Variants in KCNJ6 observed in about 807,000 individuals in gnomAD.
KCNJ6 encodes G protein-activated inward rectifier potassium channel 2.
Under a neutral mutation model 34.2 loss-of-function variants are expected in KCNJ6, and 9 were observed. The observed-to-expected ratio is 0.26, with a 90% CI of 0.16 to 0.46. The LOEUF (loss-of-function observed/expected upper bound fraction) is 0.46, where lower values mean the gene tolerates loss of function less well. Among genes scored for constraint, KCNJ6 ranks in the 20% least tolerant of loss-of-function variants. KCNJ6 has a pLI of 1.00. For missense variants in KCNJ6, 236 were observed against 531.3 expected, an observed-to-expected ratio of 0.44 and a Z score of 5.46; for synonymous variants, 196 against 207.1, an observed-to-expected ratio of 0.95 and a Z score of 0.46.
intron 3 of KCNJ6, among the ~76,000 whole-genome samples, chr21:37,683,318 C>A (rs1011840926): frequency 1.3e-5 from 2 of 152,182 alleles, no homozygotes; most frequent in African/African-American, 4.8e-5. Context: ...CAGCAAGAGG[C>A]AGCAGGGAAG....
chr21:37,869,254 C>T (rs1418521315), intron 1 of KCNJ6, among the ~76,000 whole-genome samples: 1 of 152,242 alleles, frequency 6.6e-6, no homozygotes, highest in Non-Finnish European at 1.5e-5. Flanking sequence ...CGGCCGAGCC[C>T]TCATATGAGT....
chr21:37,849,929 G>A (rs930560179), intron 1 of KCNJ6, among the ~76,000 whole-genome samples: 5 of 152,110 alleles, frequency 3.3e-5, no homozygotes, highest in African/African-American at 9.7e-5. Context: ...AGGGTAAAAC[G>A]AAATACCAAA....
chr21:37,771,321 A>C (rs2055116847), intron 2 of KCNJ6, among the ~76,000 whole-genome samples: 1 of 152,162 alleles, frequency 6.6e-6, no homozygotes. Flanking sequence ...CTGAATCCTT[A>C]AAAGCAGGGT....
intron 1 of KCNJ6, among the ~76,000 whole-genome samples, chr21:37,859,064 ACAAAG>A (rs1171889028): frequency 4.6e-5 from 7 of 152,234 alleles, no homozygotes; most frequent in South Asian, 2.1e-4. Context: ...GCAAATTGCA[ACAAAG>A]CAAAGCAAAC....
chr21:37,610,983 A>G lies in KCNJ6; in HGVS notation c.*14176T>C, dbSNP rs1206577378. 6.6e-6 allele frequency: 1 copy of G among 152,160 alleles called. No homozygotes were observed. The highest frequency in any genetic ancestry group is 6.5e-5 in the Admixed American group (1 of 15,284). 9.4% of individuals were successfully genotyped at this position (152,160 alleles called of 1,614,324 possible). ...AGTAAGCCAATGAGAAGAAATAATT[A>G]AAATTAGATTAAAAATTCACGAAAT... On this transcript the variant is annotated 3_prime_UTR_variant, in exon 4 of 4. Coordinates refer to ENST00000609713, the MANE Select transcript of KCNJ6 (RefSeq NM_002240.5).
chr21:37,658,959 T>C (rs2054476211), intron 3 of KCNJ6, among the ~76,000 whole-genome samples: 1 of 152,230 alleles, frequency 6.6e-6, no homozygotes, highest in African/African-American at 2.4e-5. Context: ...CTCCAAATGA[T>C]TAATTTGTTT....
intron 1 of KCNJ6, among the ~76,000 whole-genome samples, chr21:37,905,602 C>T (rs1406333414): frequency 1.3e-5 from 2 of 152,222 alleles, no homozygotes; most frequent in African/African-American, 2.4e-5. Flanking sequence ...CCCCACATCC[C>T]TGGATGTTTT....
chr21:37,832,741 C>T (rs1408062943), intron 2 of KCNJ6, among the ~76,000 whole-genome samples: 2 of 152,120 alleles, frequency 1.3e-5, no homozygotes, highest in African/African-American at 4.8e-5. Flanking sequence ...AGCTGACATC[C>T]AGATAGGCTT....
intron 1 of KCNJ6, among the ~76,000 whole-genome samples, chr21:37,891,143 T>G (rs1166825023): frequency 6.6e-6 from 1 of 152,150 alleles, no homozygotes; most frequent in East Asian, 1.9e-4. Flanking sequence ...CGGGCTTTCC[T>G]CCTTGCTTTC....
intron 1 of KCNJ6, among the ~76,000 whole-genome samples, chr21:37,908,722 T>C (rs73904495): frequency 0.01 from 1,536 of 152,270 alleles, 31 homozygotes; most frequent in African/African-American, 0.035. Flanking sequence ...TCCCAACTAA[T>C]TTATTTTAAA....
intron 2 of KCNJ6, among the ~76,000 whole-genome samples, chr21:37,765,837 T>C (rs1473229594): frequency 1.3e-5 from 2 of 152,248 alleles, no homozygotes; most frequent in Admixed American, 1.3e-4. Flanking sequence ...GCAACTATCC[T>C]CATTTAATTG....
At chr21:37,910,829 T>G (rs1205411633) in intron 1 of KCNJ6, among the ~76,000 whole-genome samples, 1 of 152,206 alleles carries the variant, frequency 6.6e-6, no homozygotes, top group African/African-American at 2.4e-5. Context: ...CACATTGTAA[T>G]TGGGAAAATT....
intron 1 of KCNJ6, among the ~76,000 whole-genome samples, chr21:37,881,282 G>A (rs931904177): frequency 2.6e-5 from 4 of 152,124 alleles, no homozygotes; most frequent in African/African-American, 9.7e-5. Context: ...TAGTCATCTC[G>A]GGCTACCATA....
intron 1 of KCNJ6, among the ~76,000 whole-genome samples, chr21:37,912,313 G>A (rs2055870695): frequency 6.6e-6 from 1 of 152,144 alleles, no homozygotes; most frequent in African/African-American, 2.4e-5. Flanking sequence ...TAGCCACCTA[G>A]GAAGAAAGCA....
intron 1 of KCNJ6, among the ~76,000 whole-genome samples, chr21:37,905,663 C>T (rs2055838110): frequency 6.6e-6 from 1 of 152,206 alleles, no homozygotes; most frequent in African/African-American, 2.4e-5. Flanking sequence ...TAAACTCTAG[C>T]ACCATTCTCT....
chr21:37,841,188 C>T (rs1251808470), intron 1 of KCNJ6, among the ~76,000 whole-genome samples: 1 of 152,076 alleles, frequency 6.6e-6, no homozygotes, highest in Admixed American at 6.5e-5. Flanking sequence ...TTTAAAAAGT[C>T]ATAGGTTTTG....
chr21:37,890,288 CCTCA>C (rs752115418), intron 1 of KCNJ6, among the ~76,000 whole-genome samples: 15 of 152,208 alleles, frequency 9.9e-5, no homozygotes, highest in Non-Finnish European at 1.3e-4. Flanking sequence ...ATGAGAACTC[CCTCA>C]CTATCATGAG....
chr21:37,634,207 G>A (rs536934930), intron 3 of KCNJ6, among the ~76,000 whole-genome samples: 1 of 152,304 alleles, frequency 6.6e-6, no homozygotes, highest in Admixed American at 6.5e-5. Flanking sequence ...GTCATGGGGT[G>A]CTTGGTGCCA....
At chr21:37,838,320 G>A (rs1364997137) in intron 2 of KCNJ6, among the ~76,000 whole-genome samples, 1 of 152,160 alleles carries the variant, frequency 6.6e-6, no homozygotes, top group African/African-American at 2.4e-5. Flanking sequence ...AATAAAAATA[G>A]CTTTATCAGA....
Sources: allele counts gnomAD v4.1 joint callset (sites outside exome capture counted in the v4.1 genomes callset), GRCh38; gene constraint gnomAD v4.1.1; transcripts MANE v1.5; gene names NCBI Gene and HGNC (gene_info 2026-07-23, HGNC 2026-07-21).